Variants in TMPRSS9 observed in about 807,000 individuals in gnomAD.
The protein encoded by TMPRSS9 is transmembrane protease serine 9.
TMPRSS9 carries 113 observed loss-of-function variants against 111.4 expected under a neutral mutation model. That is an observed-to-expected ratio of 1.01 (90% CI 0.87 to 1.19). The LOEUF is 1.19. Ranked by LOEUF, TMPRSS9 falls within the 50% of genes most tolerant of loss-of-function variation. The probability of loss-of-function intolerance (pLI) is 0.00; values close to 1 mark genes in which losing one functional copy is unlikely to be tolerated. For missense variants in TMPRSS9, 1,803 were observed against 1,513.1 expected, an observed-to-expected ratio of 1.19 and a Z score of -3.18; for synonymous variants, 805 against 659.1, an observed-to-expected ratio of 1.22 and a Z score of -3.39.
At chr19:2,386,321 T>G, upstream of TMPRSS9, among the ~76,000 whole-genome samples, 1 of 151,542 alleles carries the variant, frequency 6.6e-6, no homozygotes, top group South Asian at 2.1e-4. Flanking sequence ...CTGGCTAACA[T>G]GGTGAAACCC....
At chr19:2,411,676 C>A (rs555374055) in intron 9 of TMPRSS9, among the ~76,000 whole-genome samples, 1 of 152,032 alleles carries the variant, frequency 6.6e-6, no homozygotes, top group African/African-American at 2.4e-5. Flanking sequence ...CTCAGCCTCC[C>A]GAGTAGCTGG....
exon 11 of TMPRSS9, chr19:2,415,813 C>T: frequency 6.2e-7 from 1 of 1,601,366 alleles, no homozygotes; most frequent in Non-Finnish European, 8.5e-7. Flanking sequence ...GGACCGCTGG[C>T]TGCTGTCTGC....
In TMPRSS9 at chr19:2,396,406, G is replaced by A. The variant is rs542857359; in HGVS notation, c.143-133G>A. On this transcript the variant is annotated intron_variant, in intron 1 of 17. Transcript: ENST00000648592. ...TATTCAGGGCTATCACGGGGGCGTC[G>A]ACCACCCCACTGCGTGTCAGGAGTG... is the stretch of plus-strand genomic sequence containing the variant. 37 of 1,102,170 alleles carry A rather than the reference G, an allele frequency of 3.4e-5. No homozygotes were observed. The African/African-American group carries it at 5.0e-4, about 15-fold the overall frequency. The allele number at this position is 1,102,170 out of a possible 1,614,324, so 68.3% of individuals were successfully genotyped here. A position where few individuals can be genotyped will look rare whatever the true frequency, so the allele number is the denominator to read the frequency against.
In TMPRSS9 at chr19:2,425,673, A is replaced by T. The variant is rs1227410759; in HGVS notation, c.3120+180A>T. ...CCACTCCACAGCCGTTTATTGGGCA[A>T]CCCACCGCATCCCATCCCCGGGCCT... is the stretch of plus-strand genomic sequence containing the variant. On this transcript the variant is annotated intron_variant, in intron 17 of 17. Coordinates refer to ENST00000648592, the Ensembl canonical transcript of TMPRSS9. 5 of 1,277,600 alleles carry T rather than the reference A, an allele frequency of 3.9e-6. No individual in the cohort carries two copies. The African/African-American group carries it at 7.8e-5, about 20-fold the overall frequency. 79.1% of individuals were successfully genotyped at this position (1,277,600 alleles called of 1,614,324 possible).
chr19:2,389,824 G>A (rs1244787728), exon 1 of TMPRSS9: 1 of 1,613,962 alleles, frequency 6.2e-7, no homozygotes, highest in African/African-American at 1.3e-5. Context: ...TCGTGCCCAG[G>A]ACAACCAAGG....
upstream of TMPRSS9, among the ~76,000 whole-genome samples, chr19:2,385,096 C>A (rs915009910): frequency 4.0e-5 from 6 of 150,608 alleles, no homozygotes; most frequent in African/African-American, 1.5e-4. Flanking sequence ...ACCGTGGCTA[C>A]CTTGGCCCAT....
chr19:2,363,810 G>A (rs73919615), intron 1 of TMPRSS9, among the ~76,000 whole-genome samples: 9,241 of 144,490 alleles, frequency 0.064, 1,175 homozygotes, highest in African/African-American at 0.24. Flanking sequence ...GTGTGCGTGC[G>A]CGCGTGTGTG....
chr19:2,368,774 G>GTTTGTTTTTTTTT (rs1970265977), intron 1 of TMPRSS9, among the ~76,000 whole-genome samples: 4 of 70,366 alleles, frequency 5.7e-5, no homozygotes, highest in Admixed American at 2.0e-4. Context: ...GATAAACCCA[G>GTTTGTTTTTTTTT]TTTTTTTTTT....
exon 15 of TMPRSS9, chr19:2,424,179 T>C: frequency 6.8e-7 from 1 of 1,465,142 alleles, no homozygotes; most frequent in Admixed American, 2.4e-5. Flanking sequence ...AGCCTGTGGC[T>C]GCGGCGCCGG....
At position 2,425,908 on chromosome 19, in the gene TMPRSS9, T is replaced by C. The variant is rs759882788; in HGVS notation, c.3121-19T>C. On this transcript the variant is annotated intron_variant, in intron 17 of 17. Transcript: ENST00000648592. ...GGGAGGTACCGGCCTCTGAACCCCC[T>C]TTCTTCTCTCCCCAACAGGGTGACG... The C allele has an allele frequency of 3.2e-6, 5 of 1,574,224 alleles. No individual in the cohort carries two copies. The highest frequency in any genetic ancestry group is 1.2e-5 in the South Asian group (1 of 86,060).
chr19:2,403,240 C>T, intron 6 of TMPRSS9, 45 bp downstream of exon 7: 4 of 1,486,282 alleles, frequency 2.7e-6, no homozygotes, highest in Non-Finnish European at 3.7e-6. Flanking sequence ...CTTCCCTTTT[C>T]CAGGGTCAGC....
chr19:2,379,750 CAT>C, intron 1 of TMPRSS9, among the ~76,000 whole-genome samples: 2 of 147,314 alleles, frequency 1.4e-5, no homozygotes, highest in African/African-American at 2.5e-5. Context: ...CTCTCTCTCT[CAT>C]TCTCTCTTTT....
upstream of TMPRSS9, among the ~76,000 whole-genome samples, chr19:2,386,600 A>G (rs1173342799): frequency 6.6e-6 from 1 of 152,178 alleles, no homozygotes; most frequent in African/African-American, 2.4e-5. Context: ...AAGTGTGACG[A>G]GAACATAGTT....
At chr19:2,375,887 C>G (rs900533229) in intron 1 of TMPRSS9, among the ~76,000 whole-genome samples, 2 of 152,192 alleles carry the variant, frequency 1.3e-5, no homozygotes, top group Non-Finnish European at 2.9e-5. Flanking sequence ...CTTGCTGGGA[C>G]TCCTGGAAGT....
intron 1 of TMPRSS9, among the ~76,000 whole-genome samples, chr19:2,363,780 CTGTGTGTGAG>C (rs1313321011): frequency 4.2e-5 from 5 of 119,100 alleles, no homozygotes; most frequent in African/African-American, 1.2e-4. Context: ...TCCAAGAACT[CTGTGTGTGAG>C]TGTGTGTGTG....
chr19:2,369,497 T>C (rs1379540090), intron 1 of TMPRSS9, among the ~76,000 whole-genome samples: 1 of 151,914 alleles, frequency 6.6e-6, no homozygotes, highest in Non-Finnish European at 1.5e-5. Flanking sequence ...TGATCGCAGC[T>C]CACTGCAGCC....
chr19:2,382,069 G>A (rs1047191048), intron 1 of TMPRSS9, among the ~76,000 whole-genome samples: 3 of 152,070 alleles, frequency 2.0e-5, no homozygotes, highest in African/African-American at 4.8e-5. Flanking sequence ...TCGAACTCCT[G>A]ACCTCAGGTG....
chr19:2,411,027 C>T lies in TMPRSS9; in HGVS notation c.1254+633C>T, dbSNP rs999234533. On this transcript the variant is annotated intron_variant, in intron 9 of 17. Transcript: ENST00000648592. ...CTCAAGAAGGTTCCAGGGCTGGGCA[C>T]GGTGGCTCACGCCTGTAATCCCAGC... is the stretch of plus-strand genomic sequence containing the variant. 2.6e-5 allele frequency among the ~76,000 whole-genome samples: 4 copies of T among 152,070 alleles called. No homozygotes were observed. In the East Asian group the frequency reaches 5.8e-4, roughly 22 times the overall value.
chr19:2,362,367 G>A (rs774430233), intron 1 of TMPRSS9, among the ~76,000 whole-genome samples: 1 of 149,910 alleles, frequency 6.7e-6, no homozygotes, highest in Non-Finnish European at 1.5e-5. Context: ...TGACTGTGCA[G>A]CCATGTGTGT....
Sources: allele counts gnomAD v4.1 joint callset (sites outside exome capture counted in the v4.1 genomes callset), GRCh38; gene constraint gnomAD v4.1.1; transcripts MANE v1.5; gene names NCBI Gene and HGNC (gene_info 2026-07-23, HGNC 2026-07-21).